The following KCMF1 variants were observed in gnomAD, a reference collection of about 807,000 sequenced individuals.
The protein encoded by KCMF1 is E3 ubiquitin-protein ligase KCMF1.
Under a neutral mutation model 41.1 loss-of-function variants are expected in KCMF1, and 3 were observed. The observed-to-expected ratio is 0.07, with a 90% confidence interval of 0.03 to 0.19. The LOEUF (loss-of-function observed/expected upper bound fraction) is 0.19, where lower values mean the gene tolerates loss of function less well. KCMF1 is among the 10% of genes least tolerant of loss of function. KCMF1 has a pLI of 1.00. For missense variants in KCMF1, 286 were observed against 488.9 expected (o/e 0.58, Z 3.91); for synonymous variants, 142 against 164.5 (o/e 0.86, Z 1.04).
intron 1 of KCMF1, among the ~76,000 whole-genome samples, chr2:85,017,048 C>G: frequency 7.6e-6 from 1 of 131,634 alleles, no homozygotes; most frequent in South Asian, 2.4e-4. Flanking sequence ...GATGGAGTCT[C>G]GCTCTGTCGC....
intron 4 of KCMF1, among the ~76,000 whole-genome samples, chr2:85,045,015 G>A (rs1175763651): frequency 2.0e-5 from 3 of 152,178 alleles, no homozygotes; most frequent in Non-Finnish European, 4.4e-5. Flanking sequence ...GAAAGGCCAA[G>A]GTGGGAGGAT....
intron 5 of KCMF1, among the ~76,000 whole-genome samples, chr2:85,048,863 A>G (rs1473257527): frequency 6.6e-6 from 1 of 152,214 alleles, no homozygotes; most frequent in African/African-American, 2.4e-5. Context: ...TGCAAGGGCC[A>G]CCATCAGAAA....
chr2:84,978,248 C>T (rs1206765286), intron 1 of KCMF1, among the ~76,000 whole-genome samples: 7 of 152,138 alleles, frequency 4.6e-5, no homozygotes, highest in African/African-American at 1.2e-4. Flanking sequence ...CCACCCGCCT[C>T]GGCCTCCCAA....
intron 1 of KCMF1, among the ~76,000 whole-genome samples, chr2:85,016,391 T>C (rs1276270383): frequency 6.6e-6 from 1 of 152,092 alleles, no homozygotes; most frequent in Non-Finnish European, 1.5e-5. Flanking sequence ...AATAGATCTT[T>C]TTATTCTCTT....
intron 1 of KCMF1, chr2:84,972,080 C>T (rs1263830137): frequency 6.6e-6 from 1 of 152,168 alleles, no homozygotes; most frequent in African/African-American, 2.4e-5. Context: ...TCGGCGCGTC[C>T]CTGGGCTCGG....
intron 2 of KCMF1, among the ~76,000 whole-genome samples, chr2:85,029,703 A>C (rs1675217514): frequency 7.0e-6 from 1 of 143,330 alleles, no homozygotes; most frequent in African/African-American, 2.6e-5. Flanking sequence ...TTTTTGAGAC[A>C]AGAGTTTCAC....
At chr2:85,035,878 A>G (rs139888992) in intron 3 of KCMF1, among the ~76,000 whole-genome samples, 14 of 152,352 alleles carry the variant, frequency 9.2e-5, no homozygotes, top group African/African-American at 3.4e-4. Context: ...GGAACTATAG[A>G]TACTGAATTG....
At chr2:85,001,798 T>G (rs1434549478) in intron 1 of KCMF1, among the ~76,000 whole-genome samples, 4 of 152,210 alleles carry the variant, frequency 2.6e-5, no homozygotes, top group Admixed American at 2.6e-4. Flanking sequence ...AGATACATTC[T>G]GAGATCCATT....
chr2:85,044,304 C>T (rs1376145201), intron 4 of KCMF1, among the ~76,000 whole-genome samples: 2 of 152,048 alleles, frequency 1.3e-5, no homozygotes, highest in East Asian at 3.9e-4. Flanking sequence ...AGAGCCATTT[C>T]CTGCCGAGTT....
chr2:85,021,517 G>C (rs1272602303), intron 1 of KCMF1, among the ~76,000 whole-genome samples: 1 of 151,922 alleles, frequency 6.6e-6, no homozygotes, highest in East Asian at 1.9e-4. Context: ...AGCTGCTCGG[G>C]AGGCTGAGGC....
chr2:85,039,049 A>G (rs769629191), intron 3 of KCMF1, among the ~76,000 whole-genome samples: 1 of 152,188 alleles, frequency 6.6e-6, no homozygotes, highest in Non-Finnish European at 1.5e-5. Flanking sequence ...TTAAAAAGAG[A>G]TGAAATTCAT....
At chr2:85,044,966 G>C (rs1217329881) in intron 4 of KCMF1, among the ~76,000 whole-genome samples, 1 of 152,220 alleles carries the variant, frequency 6.6e-6, no homozygotes, top group Non-Finnish European at 1.5e-5. Context: ...ACTGTCACCA[G>C]CTGGGTACAG....
intron 2 of KCMF1, among the ~76,000 whole-genome samples, chr2:85,031,823 TCTCAATCTCAGG>T (rs1017192828): frequency 3.3e-5 from 5 of 151,998 alleles, no homozygotes; most frequent in Non-Finnish European, 7.4e-5. Flanking sequence ...CTCATTGCAG[TCTCAATCTCAGG>T]CTCAAGTGAT....
At chr2:84,984,646 C>T (rs1042257146) in intron 1 of KCMF1, among the ~76,000 whole-genome samples, 1 of 151,936 alleles carries the variant, frequency 6.6e-6, no homozygotes, top group Non-Finnish European at 1.5e-5. Context: ...CATGAAGAAA[C>T]CCCGTCACTA....
intron 1 of KCMF1, among the ~76,000 whole-genome samples, chr2:84,972,615 A>G (rs1673429891): frequency 6.6e-6 from 1 of 152,194 alleles, no homozygotes; most frequent in African/African-American, 2.4e-5. Flanking sequence ...GGAGTGGAGA[A>G]AGTTTAGTGA....
intron 1 of KCMF1, among the ~76,000 whole-genome samples, chr2:84,976,528 A>T (rs756972029): frequency 4.0e-5 from 6 of 151,850 alleles, no homozygotes; most frequent in Non-Finnish European, 8.8e-5. Flanking sequence ...TTTCTGGGCT[A>T]CTTTTGATTT....
At position 84,982,652 on chromosome 2, in the gene KCMF1, G is replaced by A. The variant is rs118161940; in HGVS notation, c.16+11185G>A. ...GACCTCAGGTGATCTACCTGCCTTC[G>A]CCACCCAAAGTGCTAGGATTACAGG... On this transcript the variant is annotated intron_variant, in intron 1 of 6. Transcript: ENST00000409785. Among the ~76,000 whole-genome samples the A allele has an allele frequency of 3.9e-4, 59 of 152,016 alleles. 1 individual carries two copies. The highest frequency in any genetic ancestry group is 1.0e-3 in the African/African-American group (42 of 41,474).
At chr2:84,996,254 G>T (rs568891398) in intron 1 of KCMF1, among the ~76,000 whole-genome samples, 14 of 152,228 alleles carry the variant, frequency 9.2e-5, no homozygotes, top group Non-Finnish European at 1.3e-4. Context: ...CAGGTGTCTA[G>T]AATTGCTGAT....
Position 85,043,672 on chromosome 2 carries a change from T to C in KCMF1, c.426+7T>C. 6.6e-7 allele frequency: 1 copy of C among 1,526,038 alleles called. No individual in the cohort carries two copies. The highest frequency in any genetic ancestry group is 9.1e-7 in the Non-Finnish European group (1 of 1,101,268). The allele number at this position is 1,526,038 out of a possible 1,614,324, so 94.5% of individuals were successfully genotyped here. On this transcript the variant is annotated splice_region_variant and intron_variant, in intron 4 of 6. Coordinates refer to ENST00000409785, the MANE Select transcript of KCMF1 (RefSeq NM_020122.5). ...CAGAGCCCCTAGAGATTTAATATCC[T>C]TTTAAGAGATGACAAGGAAAAGAGT...
Sources: gnomAD v4.1 joint callset for allele counts (sites outside exome capture counted in the v4.1 genomes callset) on GRCh38, gnomAD v4.1.1 for gene constraint, MANE v1.5 for transcripts, NCBI Gene and HGNC (gene_info 2026-07-23, HGNC 2026-07-21) for gene names.